DENND4C: variants seen among roughly 807,000 people sequenced by gnomAD.
DENND4C encodes the protein DENN domain containing 4C, also known as DENN domain-containing protein 4C.
DENND4C carries 108 observed loss-of-function variants against 203.0 expected under a neutral mutation model. That is an observed-to-expected ratio of 0.53 (90% CI 0.46 to 0.62). The LOEUF is 0.62. Ranked by LOEUF, DENND4C falls within the 20% of genes least tolerant of loss-of-function variation. The probability of loss-of-function intolerance (pLI) is 0.00; values close to 1 mark genes in which losing one functional copy is unlikely to be tolerated. For missense variants in DENND4C, 2,481 were observed against 2,301.2 expected, an observed-to-expected ratio of 1.08 and a Z score of -1.60; for synonymous variants, 871 against 792.4, an observed-to-expected ratio of 1.10 and a Z score of -1.67.
chr9:19,251,067 C>A (rs775392973), intron 1 of DENND4C, among the ~76,000 whole-genome samples: 1 of 152,252 alleles, frequency 6.6e-6, no homozygotes, highest in East Asian at 1.9e-4. Flanking sequence ...CCACATTTCC[C>A]TTCCACACTG....
At chr9:19,363,340 T>C (rs2132248752) in intron 30 of DENND4C, among the ~76,000 whole-genome samples, 1 of 151,890 alleles carries the variant, frequency 6.6e-6, no homozygotes, top group South Asian at 2.1e-4. Context: ...ATGGTCTTGG[T>C]CATCTCTACT....
At position 19,361,976 on chromosome 9, in the gene DENND4C, G is replaced by C; in HGVS notation, c.5524+13G>C. 6.7e-7 allele frequency: 1 copy of C among 1,501,718 alleles called. No individual in the cohort carries two copies. Among genetic ancestry groups the C allele is most frequent in the African/African-American group, 1.4e-5 (1 of 72,536 alleles). 93.0% of individuals were successfully genotyped at this position (1,501,718 alleles called of 1,614,324 possible). On this transcript the variant is annotated intron_variant, in intron 30 of 32. Coordinates refer to ENST00000434457, the MANE Select transcript of DENND4C (RefSeq NM_001330640.2). ...TGGAGGAATTTTAGTAAGTAAAATA[G>C]AATTAAAGACATAACAGCCAGGTGC...
intron 1 of DENND4C, among the ~76,000 whole-genome samples, chr9:19,263,141 A>C (rs1275348292): frequency 6.6e-6 from 1 of 152,198 alleles, no homozygotes; most frequent in Admixed American, 6.5e-5. Flanking sequence ...AGTTTTTGTC[A>C]TGAAAGGATA....
intron 10 of DENND4C, among the ~76,000 whole-genome samples, chr9:19,307,675 C>T (rs1839960704): frequency 6.8e-6 from 1 of 147,030 alleles, no homozygotes; most frequent in African/African-American, 2.5e-5. Context: ...GAGTCTGAGG[C>T]AAGAGAATTG....
chr9:19,323,522 A>T (rs57660039), intron 12 of DENND4C, among the ~76,000 whole-genome samples: 2,337 of 152,280 alleles, frequency 0.015, 54 homozygotes, highest in African/African-American at 0.053. Context: ...AGGAATTAGA[A>T]AGGAGGAGAC....
chr9:19,284,943 T>C (rs546503392), intron 2 of DENND4C, among the ~76,000 whole-genome samples: 115 of 152,150 alleles, frequency 7.6e-4, no homozygotes, highest in Non-Finnish European at 1.1e-3. Flanking sequence ...GGATTTTGAG[T>C]CATAGTCTTT....
chr9:19,335,257 ATATATT>A, intron 18 of DENND4C, 152 bp downstream of exon 18: 1 of 397,448 alleles, frequency 2.5e-6, no homozygotes, highest in Admixed American at 4.4e-5. Context: ...CAAAAAGTAT[ATATATT>A]TATCATGTAC....
intron 30 of DENND4C, 37 bp downstream of exon 30, chr9:19,362,000 G>A (rs1159417626): frequency 1.6e-6 from 2 of 1,285,646 alleles, no homozygotes; most frequent in Admixed American, 3.4e-5. Flanking sequence ...ACAGCCAGGT[G>A]CAGTGGCTCG....
In DENND4C at chr9:19,238,244, G is replaced by A. The variant is rs566606958; in HGVS notation, c.-18+7411G>A. Among the ~76,000 whole-genome samples, 4 of 151,376 alleles carry A rather than the reference G, an allele frequency of 2.6e-5. No homozygotes were observed. The South Asian group carries it at 8.4e-4, about 32-fold the overall frequency. On this transcript the variant is annotated intron_variant, in intron 1 of 32. Coordinates refer to ENST00000434457, the MANE Select transcript of DENND4C (RefSeq NM_001330640.2). ...ATTACAGGCATGCACCACCATGCCC[G>A]GCTAATATTGTATTTTTAGTAGAGA...
At chr9:19,248,809 T>C (rs1194643919) in intron 1 of DENND4C, among the ~76,000 whole-genome samples, 1 of 152,136 alleles carries the variant, frequency 6.6e-6, no homozygotes, top group Non-Finnish European at 1.5e-5. Flanking sequence ...TATGGTTTTT[T>C]TTTTTTGAGA....
intron 1 of DENND4C, among the ~76,000 whole-genome samples, chr9:19,252,911 A>AT (rs1827008195): frequency 6.6e-6 from 1 of 152,074 alleles, no homozygotes; most frequent in Non-Finnish European, 1.5e-5. Flanking sequence ...AATTTTTTGT[A>AT]TTTTTAGTAG....
At chr9:19,296,394 T>G in intron 6 of DENND4C, 148 bp downstream of exon 6, 2 of 600,160 alleles carry the variant, frequency 3.3e-6, no homozygotes, top group Non-Finnish European at 2.9e-6. Flanking sequence ...AGATGGAGTA[T>G]TGCTCTGTCA....
intron 1 of DENND4C, among the ~76,000 whole-genome samples, chr9:19,245,398 C>T (rs956697445): frequency 2.7e-5 from 4 of 148,308 alleles, no homozygotes; most frequent in African/African-American, 7.5e-5. Context: ...ACCCGGGAGG[C>T]GGAGCTTGCA....
intron 1 of DENND4C, among the ~76,000 whole-genome samples, chr9:19,253,687 A>G (rs1269255136): frequency 6.6e-6 from 1 of 152,202 alleles, no homozygotes; most frequent in African/African-American, 2.4e-5. Flanking sequence ...ATCTTTTATT[A>G]CAATGAGAGG....
At chr9:19,292,031 C>CTT (rs111512637) in intron 5 of DENND4C, among the ~76,000 whole-genome samples, 5,466 of 148,692 alleles carry the variant, frequency 0.037, 326 homozygotes, top group African/African-American at 0.13. Context: ...AATCCCACCT[C>CTT]TTTTTTTTTT....
At chr9:19,273,107 A>G (rs1832105776) in intron 1 of DENND4C, among the ~76,000 whole-genome samples, 1 of 151,656 alleles carries the variant, frequency 6.6e-6, no homozygotes, top group Non-Finnish European at 1.5e-5. Flanking sequence ...CGCCGCCACC[A>G]TGCCAGGCTA....
chr9:19,296,126 T>C lies in DENND4C; in HGVS notation c.920T>C (p.Ile307Thr), dbSNP rs768741867. Residue 307 changes from isoleucine (I) to threonine (T), a missense_variant, in exon 6 of 33, where the codon ATC becomes ACC. Physicochemically the swap from Ile to Thr is moderately conservative, Grantham distance 89 (BLOSUM62 -1). Around this residue, in one of 3 missense-constraint regions of DENND4C, gnomAD observed 2,289 missense variants for 2,113.3 expected, o/e 1.08. Transcript: ENST00000434457. ...PVERKMVSKSINTNKCICLLS... is the reference protein window; with the variant it reads ...PVERKMVSKSTNTNKCICLLS... ...GAGAGAAAAATGGTCTCCAAATCCA[T>C]CAATACAAACAAATGCATTTGTTTA... The C allele has an allele frequency of 6.2e-7, 1 of 1,614,014 alleles. No homozygotes were observed. The highest frequency in any genetic ancestry group is 8.5e-7 in the Non-Finnish European group (1 of 1,179,956).
rs1835319646 is a variant in DENND4C at position 19,286,924 on chromosome 9, CCTTGGCTGTAA to C, written c.464_474del (p.Leu155Ter). On this transcript the variant is annotated frameshift_variant, in exon 3 of 33. Transcript: ENST00000434457. LOFTEE classifies it high-confidence loss of function. ...GCTCCTCCAGTTCGACCCCAGAATT[CCTTGGCTGTAA>C]CTGATATCTGTGTTATTGTAACCAG... 8.1e-7 allele frequency: 1 copy of C among 1,231,992 alleles called. No individual in the cohort carries two copies. Among genetic ancestry groups the C allele is most frequent in the Admixed American group, 4.2e-5 (1 of 23,690 alleles). 76.3% of individuals were successfully genotyped at this position (1,231,992 alleles called of 1,614,324 possible). A position where few individuals can be genotyped will look rare whatever the true frequency, so the allele number is the denominator to read the frequency against.
chr9:19,360,151 A>G (rs1229645268), intron 28 of DENND4C, 93 bp from the exon 29 acceptor site: 3 of 1,306,646 alleles, frequency 2.3e-6, no homozygotes, highest in East Asian at 2.4e-5. Context: ...AACTGATTTA[A>G]AAAGGATAGA....
Sources: allele counts gnomAD v4.1 joint callset (sites outside exome capture counted in the v4.1 genomes callset), GRCh38; gene constraint gnomAD v4.1.1; regional missense constraint gnomAD v4.1.1; transcripts MANE v1.5; gene names NCBI Gene and HGNC (gene_info 2026-07-23, HGNC 2026-07-21).